The following PTPRD variants were observed in gnomAD, a reference collection of about 807,000 sequenced individuals.
PTPRD encodes the protein receptor-type tyrosine-protein phosphatase delta.
Under a neutral mutation model 214.5 loss-of-function variants are expected in PTPRD, and 34 were observed. The observed-to-expected ratio is 0.16, with a 90% confidence interval of 0.12 to 0.21. The LOEUF (loss-of-function observed/expected upper bound fraction) is 0.21, where lower values mean the gene tolerates loss of function less well. Ranked by LOEUF, PTPRD falls within the 10% of genes least tolerant of loss-of-function variation. PTPRD has a pLI of 1.00. For missense variants in PTPRD, 2,545 were observed against 2,398.7 expected, an observed-to-expected ratio of 1.06 and a Z score of -1.27; for synonymous variants, 1,128 against 845.7, an observed-to-expected ratio of 1.33 and a Z score of -5.79.
intron 4 of PTPRD, among the ~76,000 whole-genome samples, chr9:10,005,925 A>G (rs2096464159): frequency 6.6e-6 from 1 of 152,080 alleles, no homozygotes; most frequent in Admixed American, 6.6e-5. Context: ...ATGAGGAAAT[A>G]TTACAGGGCA....
chr9:10,152,958 T>C (rs1256951306), intron 3 of PTPRD, among the ~76,000 whole-genome samples: 1 of 152,122 alleles, frequency 6.6e-6, no homozygotes, highest in African/African-American at 2.4e-5. Context: ...ATCTGTGGAA[T>C]ATAAAACATT....
intron 3 of PTPRD, among the ~76,000 whole-genome samples, chr9:10,117,430 T>C (rs1373932267): frequency 6.6e-6 from 1 of 152,094 alleles, no homozygotes; most frequent in Non-Finnish European, 1.5e-5. Context: ...AAATTTATTC[T>C]GTCACAGTTC....
chr9:10,148,133 C>T (rs931186809), intron 3 of PTPRD, among the ~76,000 whole-genome samples: 13 of 152,144 alleles, frequency 8.5e-5, no homozygotes, highest in African/African-American at 3.1e-4. Flanking sequence ...GGCTATGAGA[C>T]AGCTATACAG....
chr9:9,321,165 A>G (rs767835188), intron 9 of PTPRD, among the ~76,000 whole-genome samples: 3 of 152,174 alleles, frequency 2.0e-5, no homozygotes, highest in Non-Finnish European at 4.4e-5. Context: ...TTCAAGCTGT[A>G]TTTTGATTTT....
intron 11 of PTPRD, among the ~76,000 whole-genome samples, chr9:8,826,534 G>A (rs919785582): frequency 2.0e-5 from 3 of 151,690 alleles, no homozygotes; most frequent in East Asian, 1.9e-4. Flanking sequence ...TCCTTCATAC[G>A]TGCTGATACC....
chr9:8,624,138 T>C (rs1170861294), intron 14 of PTPRD, among the ~76,000 whole-genome samples: 1 of 151,914 alleles, frequency 6.6e-6, no homozygotes, highest in Non-Finnish European at 1.5e-5. Flanking sequence ...ATTGACTACC[T>C]GGACCTACCT....
chr9:10,099,394 T>C (rs1263605897), intron 3 of PTPRD, among the ~76,000 whole-genome samples: 1 of 151,702 alleles, frequency 6.6e-6, no homozygotes, highest in Non-Finnish European at 1.5e-5. Flanking sequence ...CCTAAGCAAA[T>C]TAATGTAGGA....
At chr9:8,743,910 A>G (rs1290280280) in intron 11 of PTPRD, among the ~76,000 whole-genome samples, 3 of 151,808 alleles carry the variant, frequency 2.0e-5, no homozygotes, top group Non-Finnish European at 4.4e-5. Context: ...TAATATCCAG[A>G]ATCTACAAAG....
chr9:9,855,117 T>G (rs1565791394), intron 5 of PTPRD, among the ~76,000 whole-genome samples: 1 of 152,218 alleles, frequency 6.6e-6, no homozygotes, highest in East Asian at 1.9e-4. Flanking sequence ...ATCAACCTAC[T>G]GTCATCATTC....
intron 4 of PTPRD, among the ~76,000 whole-genome samples, chr9:9,985,179 A>C (rs964187879): frequency 1.3e-5 from 2 of 152,176 alleles, no homozygotes; most frequent in East Asian, 1.9e-4. Context: ...CTTCTCCAAT[A>C]AGGTCTGAAC....
intron 3 of PTPRD, among the ~76,000 whole-genome samples, chr9:10,152,829 C>A (rs761488882): frequency 1.2e-3 from 182 of 152,152 alleles, no homozygotes; most frequent in Non-Finnish European, 1.3e-3. Flanking sequence ...CCCCCCTACC[C>A]TCCCCCAAAA....
chr9:8,789,278 A>C (rs762911659), intron 11 of PTPRD, among the ~76,000 whole-genome samples: 9 of 152,170 alleles, frequency 5.9e-5, no homozygotes, highest in African/African-American at 2.2e-4. Flanking sequence ...AGCAGAAGCC[A>C]CCATAGCTGA....
At chr9:10,205,264 T>C (rs2154337055) in intron 3 of PTPRD, among the ~76,000 whole-genome samples, 1 of 152,188 alleles carries the variant, frequency 6.6e-6, no homozygotes, top group African/African-American at 2.4e-5. Flanking sequence ...ACAAAAACTT[T>C]AAATTTATGT....
chr9:9,369,638 G>T (rs1180577802), intron 9 of PTPRD, among the ~76,000 whole-genome samples: 3 of 151,944 alleles, frequency 2.0e-5, no homozygotes, highest in Admixed American at 1.3e-4. Context: ...GTCAATTTTG[G>T]CTTTTGTTGC....
intron 14 of PTPRD, among the ~76,000 whole-genome samples, chr9:8,571,603 T>C (rs762329192): frequency 1.7e-4 from 26 of 152,164 alleles, no homozygotes; most frequent in Non-Finnish European, 3.4e-4. Context: ...TTTTGTTGAA[T>C]ATAAAACAAC....
chr9:8,953,436 C>T (rs2099114247), intron 11 of PTPRD, among the ~76,000 whole-genome samples: 1 of 151,786 alleles, frequency 6.6e-6, no homozygotes, highest in Non-Finnish European at 1.5e-5. Flanking sequence ...TGATATCAGC[C>T]TTGGCAAAGA....
At chr9:9,255,898 C>T (rs949335610) in intron 9 of PTPRD, among the ~76,000 whole-genome samples, 14 of 151,976 alleles carry the variant, frequency 9.2e-5, no homozygotes, top group African/African-American at 3.4e-4. Flanking sequence ...AATGTTCAAA[C>T]CTCTGATTCA....
At chr9:9,778,463 G>A (rs1006286565) in intron 5 of PTPRD, among the ~76,000 whole-genome samples, 6 of 152,096 alleles carry the variant, frequency 3.9e-5, no homozygotes, top group Non-Finnish European at 7.4e-5. Flanking sequence ...AGCCATAGAC[G>A]CCCATCCCCG....
intron 3 of PTPRD, among the ~76,000 whole-genome samples, chr9:10,180,705 A>C (rs568895119): frequency 2.0e-5 from 3 of 151,830 alleles, no homozygotes; most frequent in African/African-American, 7.2e-5. Context: ...GTATATTATT[A>C]AAATGTCATC....
Sources: gnomAD v4.1 joint callset for allele counts (sites outside exome capture counted in the v4.1 genomes callset) on GRCh38, gnomAD v4.1.1 for gene constraint, MANE v1.5 for transcripts, NCBI Gene and HGNC (gene_info 2026-07-23, HGNC 2026-07-21) for gene names.